Variants in DHX30 observed in about 807,000 individuals in gnomAD.
DHX30 encodes DExH-box helicase 30, also known as ATP-dependent RNA helicase DHX30.
Under a neutral mutation model 116.9 loss-of-function variants are expected in DHX30, and 4 were observed. That is an observed-to-expected ratio of 0.03 (90% CI 0.02 to 0.08). The LOEUF (loss-of-function observed/expected upper bound fraction) is 0.08, where lower values mean the gene tolerates loss of function less well. Among genes scored for constraint, DHX30 ranks in the 10% least tolerant of loss-of-function variants. DHX30 has a pLI of 1.00. For synonymous variants in DHX30, 697 were observed against 651.7 expected, an observed-to-expected ratio of 1.07 and a Z score of -1.06; for missense variants, 871 against 1,595.1, an observed-to-expected ratio of 0.55 and a Z score of 7.73.
Position 47,848,620 on chromosome 3 carries a change from G to A in DHX30, c.2576-4G>A. ...GGGTGGTACTGACAGCTGAGCCGTTGCAGGGGTGCTGGACCAGCGGGAGTA... is the reference window on the plus strand; with the variant it reads ...GGGTGGTACTGACAGCTGAGCCGTTACAGGGGTGCTGGACCAGCGGGAGTA... On this transcript the variant is annotated splice_polypyrimidine_tract_variant and splice_region_variant and intron_variant, in intron 16 of 21. Transcript: ENST00000445061. The surrounding 1 kb of genome is among the most constrained non-coding windows in gnomAD (Gnocchi z 9.4). 2 of 1,614,092 alleles carry A rather than the reference G, an allele frequency of 1.2e-6. No individual in the cohort carries two copies. Among genetic ancestry groups the A allele is most frequent in the Non-Finnish European group, 1.7e-6 (2 of 1,180,000 alleles).
chr3:47,808,409 G>A (rs558958429), intron 2 of DHX30, among the ~76,000 whole-genome samples: 9 of 151,776 alleles, frequency 5.9e-5, no homozygotes, highest in East Asian at 1.9e-4. Context: ...TTAGAGATGC[G>A]GTCTCACTAT....
chr3:47,804,859 G>A (rs1471997648), intron 1 of DHX30, among the ~76,000 whole-genome samples: 1 of 152,188 alleles, frequency 6.6e-6, no homozygotes, highest in Non-Finnish European at 1.5e-5. Context: ...TCACTGGATA[G>A]TTGCCTGGAT....
intron 4 of DHX30, among the ~76,000 whole-genome samples, 196 bp downstream of exon 4, chr3:47,818,313 T>C (rs2036149079): frequency 6.6e-6 from 1 of 152,194 alleles, no homozygotes; most frequent in Non-Finnish European, 1.5e-5. Context: ...CCTTGACTCA[T>C]GGCCTGGACC....
At position 47,849,086 on chromosome 3, in the gene DHX30, C is replaced by A; in HGVS notation, c.2929+7C>A. The A allele has an allele frequency of 1.2e-6, 2 of 1,609,580 alleles. No individual in the cohort carries two copies. Among genetic ancestry groups the A allele is most frequent in the South Asian group, 2.2e-5 (2 of 90,700 alleles). ...AGCCTGCGCTTCATCCACGGTCAGTCGGGCCCACACCTGCTCTCCTGAGCC... is the reference window on the plus strand; with the variant it reads ...AGCCTGCGCTTCATCCACGGTCAGTAGGGCCCACACCTGCTCTCCTGAGCC... On this transcript the variant is annotated splice_region_variant and intron_variant, in intron 18 of 21. Coordinates refer to ENST00000445061, the MANE Select transcript of DHX30 (RefSeq NM_138615.3).
chr3:47,813,527 C>T (rs1427655005), intron 3 of DHX30, among the ~76,000 whole-genome samples: 1 of 152,172 alleles, frequency 6.6e-6, no homozygotes, highest in Non-Finnish European at 1.5e-5. Context: ...CTTTGTATTT[C>T]TTAGAACATG....
intron 3 of DHX30, among the ~76,000 whole-genome samples, chr3:47,811,737 C>CAG (rs1281078189): frequency 6.6e-6 from 1 of 151,828 alleles, no homozygotes; most frequent in Non-Finnish European, 1.5e-5. Flanking sequence ...AATCAGGATC[C>CAG]AGAGAGAGAG....
chr3:47,816,591 T>G (rs1488202659), intron 3 of DHX30: 1 of 979,114 alleles, frequency 1.0e-6, no homozygotes, highest in Non-Finnish European at 1.2e-6. Context: ...CTCTTGACCT[T>G]GTGATCCGCT....
In DHX30 at chr3:47,845,687, T is replaced by C. The variant is rs2037573214; in HGVS notation, c.940-13T>C. ...CCCAGAGCATAGACTGAGTCTTGCATGTCCCCCTGCAGAGCCTGGGCCTGG... is the reference window on the plus strand; with the variant it reads ...CCCAGAGCATAGACTGAGTCTTGCACGTCCCCCTGCAGAGCCTGGGCCTGG... On this transcript the variant is annotated splice_polypyrimidine_tract_variant and intron_variant, in intron 9 of 21. Coordinates refer to ENST00000445061, the MANE Select transcript of DHX30 (RefSeq NM_138615.3). The C allele has an allele frequency of 1.3e-6, 2 of 1,577,626 alleles. No homozygotes were observed. Among genetic ancestry groups the C allele is most frequent in the East Asian group, 2.3e-5 (1 of 44,044 alleles).
intron 6 of DHX30, among the ~76,000 whole-genome samples, chr3:47,837,296 G>A (rs1297041834): frequency 1.3e-5 from 2 of 152,212 alleles, no homozygotes. Flanking sequence ...ACTGTCACAG[G>A]GGCAGAATGA....
At chr3:47,807,975 A>C (rs762783303) in intron 2 of DHX30, among the ~76,000 whole-genome samples, 1 of 151,868 alleles carries the variant, frequency 6.6e-6, no homozygotes, top group African/African-American at 2.4e-5. Flanking sequence ...CAGTGGCGCA[A>C]TCTCATCTCA....
At chr3:47,816,372 T>TG in intron 3 of DHX30, 2 of 983,790 alleles carry the variant, frequency 2.0e-6, no homozygotes, top group Non-Finnish European at 2.4e-6. Context: ...TTTTTTTTTT[T>TG]TTTTAAGACG....
At position 47,840,727 on chromosome 3, in the gene DHX30, A is replaced by G. The variant is rs1350327194; in HGVS notation, c.367-150A>G. ...AAAGCTAGGCATCTTTGAGAGTTCC[A>G]TGCCCAGTTCTGGACTAGGGGCTGA... On this transcript the variant is annotated intron_variant, in intron 6 of 21. Coordinates refer to ENST00000445061, the MANE Select transcript of DHX30 (RefSeq NM_138615.3). The G allele has an allele frequency of 1.6e-5, 14 of 857,788 alleles. No homozygotes were observed. In the Admixed American group the frequency reaches 3.6e-4, roughly 22 times the overall value. 53.1% of individuals were successfully genotyped at this position (857,788 alleles called of 1,614,324 possible). A position where few individuals can be genotyped will look rare whatever the true frequency, so the allele number is the denominator to read the frequency against.
chr3:47,812,772 T>TCCTGACCTCGTGATCCG (rs1181463919), intron 3 of DHX30, among the ~76,000 whole-genome samples: 1 of 150,080 alleles, frequency 6.7e-6, no homozygotes, highest in African/African-American at 2.4e-5. Flanking sequence ...CAAGCAATTC[T>TCCTGACCTCGTGATCCG]CCTGCCTCAG....
At chr3:47,836,781 G>A (rs1283996757) in intron 6 of DHX30, among the ~76,000 whole-genome samples, 1 of 152,196 alleles carries the variant, frequency 6.6e-6, no homozygotes, top group Non-Finnish European at 1.5e-5. Flanking sequence ...AAAGTGCTGG[G>A]ATTACAGGTG....
chr3:47,845,008 C>T (rs1038113111), intron 9 of DHX30, among the ~76,000 whole-genome samples: 1 of 151,984 alleles, frequency 6.6e-6, no homozygotes, highest in Non-Finnish European at 1.5e-5. Flanking sequence ...TGCGTTCTAG[C>T]ATCGAGGGCC....
At chr3:47,812,653 A>C (rs2035852621) in intron 3 of DHX30, among the ~76,000 whole-genome samples, 1 of 150,008 alleles carries the variant, frequency 6.7e-6, no homozygotes, top group Non-Finnish European at 1.5e-5. Flanking sequence ...AACAGCAGAG[A>C]TTACATTTCC....
intron 6 of DHX30, 24 bp downstream of exon 6, chr3:47,829,158 A>G (rs1359448240): frequency 3.0e-6 from 4 of 1,342,816 alleles, no homozygotes; most frequent in Non-Finnish European, 4.1e-6. Context: ...AGTGAAAGCC[A>G]CTGAGACCTT....
rs201229851 is a variant in DHX30, at chr3:47,848,422, C to T, written c.2493+36C>T. The T allele has an allele frequency of 2.2e-5, 35 of 1,613,848 alleles. No individual in the cohort carries two copies. The Middle Eastern group carries it at 9.9e-4, about 46-fold the overall frequency. ...GCGGGGCAGGGGCTGGCCTGGGGAC[C>T]AGGCAGGTGGGAGGCAGGCTCATGG... On this transcript the variant is annotated intron_variant, in intron 15 of 21. Coordinates refer to ENST00000445061, the MANE Select transcript of DHX30 (RefSeq NM_138615.3). This position sits in a 1 kb window ranked among gnomAD's most constrained non-coding sequence, Gnocchi z 9.4.
chr3:47,848,213 G>A lies in DHX30; in HGVS notation c.2320G>A (p.Ala774Thr), dbSNP rs2037703297. ...SCLETVWVSR[A>T]NVIQRRGRAG... is the part of the protein sequence containing the mutation. ...CCTGGAGACAGTGTGGGTATCAAGAGCCAATGTGATCCAGCGCCGGGGCCG... is the reference window on the plus strand; with the variant it reads ...CCTGGAGACAGTGTGGGTATCAAGAACCAATGTGATCCAGCGCCGGGGCCG... The change falls in exon 15 of 22, where the codon GCC becomes ACC. Residue 774 changes from alanine to threonine, a missense_variant. This residue lies in a region of DHX30 where 20 missense variants were observed against 82.2 expected (regional missense o/e 0.24). Transcript: ENST00000445061. The surrounding 1 kb of genome is among the most constrained non-coding windows in gnomAD (Gnocchi z 9.4). The A allele has an allele frequency of 1.2e-6, 2 of 1,613,732 alleles. No homozygotes were observed. Among genetic ancestry groups the A allele is most frequent in the Non-Finnish European group, 1.7e-6 (2 of 1,180,040 alleles).
Sources: gnomAD v4.1 joint callset for allele counts (sites outside exome capture counted in the v4.1 genomes callset) on GRCh38, gnomAD v4.1.1 for gene constraint, gnomAD v4.1.1 regional missense constraint, Gnocchi (gnomAD v3.1) non-coding constraint, MANE v1.5 for transcripts, NCBI Gene and HGNC (gene_info 2026-07-23, HGNC 2026-07-21) for gene names.